The following BMERB1 variants were observed in gnomAD, a reference collection of about 807,000 sequenced individuals.
The protein encoded by BMERB1 is bMERB domain containing 1.
A neutral mutation model predicts 23.6 loss-of-function variants in BMERB1; 12 were observed. That is an observed-to-expected ratio of 0.51 (90% CI 0.33 to 0.82). BMERB1 has a LOEUF of 0.82. Among genes scored for constraint, BMERB1 ranks in the 40% least tolerant of loss-of-function variants. The pLI, the probability that BMERB1 is intolerant of heterozygous loss-of-function variation, is 0.03. For synonymous variants in BMERB1, 122 were observed against 96.6 expected (o/e 1.26, Z -1.54); for missense variants, 247 against 255.4 (o/e 0.97, Z 0.22).
intron 1 of BMERB1, among the ~76,000 whole-genome samples, chr16:15,474,870 T>G (rs1446368356): frequency 1.3e-5 from 2 of 152,012 alleles, no homozygotes; most frequent in East Asian, 3.9e-4. Context: ...GGGTTTTAAG[T>G]AGAGATGGGG....
intron 2 of BMERB1, among the ~76,000 whole-genome samples, chr16:15,548,856 A>T (rs1416617715): frequency 6.6e-6 from 1 of 152,178 alleles, no homozygotes; most frequent in African/African-American, 2.4e-5. Flanking sequence ...GATGGTAGAT[A>T]GGTGATGGCT....
chr16:15,510,275 G>C (rs541329152), intron 1 of BMERB1, among the ~76,000 whole-genome samples: 11 of 152,244 alleles, frequency 7.2e-5, no homozygotes, highest in African/African-American at 2.4e-4. Flanking sequence ...GTCGGACTTA[G>C]AACAGCTGCC....
At chr16:15,466,789 A>G (rs2051184504) in intron 1 of BMERB1, among the ~76,000 whole-genome samples, 1 of 152,256 alleles carries the variant, frequency 6.6e-6, no homozygotes. Context: ...GTGACTATCA[A>G]CAAAGTCAAG....
chr16:15,478,933 T>A (rs1202520099), intron 1 of BMERB1, among the ~76,000 whole-genome samples: 1 of 152,204 alleles, frequency 6.6e-6, no homozygotes, highest in Non-Finnish European at 1.5e-5. Flanking sequence ...TGAAGCACAA[T>A]GGTTGTCTCA....
rs903261469 is a variant in BMERB1 at position 15,526,897 on chromosome 16, T to C, written c.230+11469T>C. 1.5e-4 allele frequency among the ~76,000 whole-genome samples: 22 copies of C among 144,606 alleles called. No individual in the cohort carries two copies. The East Asian group carries it at 2.7e-3, about 18-fold the overall frequency. 94.9% of individuals were successfully genotyped at this position (144,606 alleles called of 152,430 possible). On this transcript the variant is annotated intron_variant, in intron 2 of 5. Transcript: ENST00000300006. ...GCTTTATTATTCCATAAAAATAATA[T>C]AATAATAATTCTATGAAGTATGAAA... is the stretch of plus-strand genomic sequence containing the variant.
chr16:15,537,542 C>T (rs1378073477), intron 2 of BMERB1, among the ~76,000 whole-genome samples: 2 of 151,236 alleles, frequency 1.3e-5, no homozygotes, highest in Non-Finnish European at 2.9e-5. Flanking sequence ...TTAGTAGAGG[C>T]GGGGTTTCAC....
intron 1 of BMERB1, among the ~76,000 whole-genome samples, chr16:15,454,412 G>A (rs1194144734): frequency 6.6e-6 from 1 of 152,136 alleles, no homozygotes; most frequent in African/African-American, 2.4e-5. Flanking sequence ...CATCCACTGG[G>A]GACAGAATTT....
At chr16:15,566,993 G>T (rs1355388002) in intron 2 of BMERB1, among the ~76,000 whole-genome samples, 1 of 151,872 alleles carries the variant, frequency 6.6e-6, no homozygotes, top group Non-Finnish European at 1.5e-5. Flanking sequence ...GACCAGCCGG[G>T]CAACATAACG....
chr16:15,586,772 G>A lies in BMERB1; in HGVS notation c.558G>A (p.Lys186=). 6.2e-7 allele frequency: 1 copy of A among 1,612,724 alleles called. No homozygotes were observed. The highest frequency in any genetic ancestry group is 8.5e-7 in the Non-Finnish European group (1 of 1,179,632). Reference sequence around the variant, plus strand: ...CACCTAGCAAGCCCACGGTGGCCAAGACGGGGCTGGCACTGATCAAGGATT... The same window carrying A: ...CACCTAGCAAGCCCACGGTGGCCAAAACGGGGCTGGCACTGATCAAGGATT... ...EPPPSKPTVA[K]TGLALIKDCC... The change falls in exon 6 of 6, where the codon AAG becomes AAA. Residue 186 remains lysine, a synonymous_variant. Transcript: ENST00000300006.
At chr16:15,456,233 T>G (rs999564478) in intron 1 of BMERB1, among the ~76,000 whole-genome samples, 1 of 152,210 alleles carries the variant, frequency 6.6e-6, no homozygotes, top group African/African-American at 2.4e-5. Flanking sequence ...ACATGGATTT[T>G]AAAAAATGAA....
chr16:15,460,211 T>A (rs1365046968), intron 1 of BMERB1, among the ~76,000 whole-genome samples: 1 of 152,060 alleles, frequency 6.6e-6, no homozygotes, highest in South Asian at 2.1e-4. Context: ...GGAGGATGGG[T>A]GAGATTCAAA....
chr16:15,581,271 T>G lies in BMERB1; in HGVS notation c.359T>G (p.Ile120Ser). The G allele has an allele frequency of 6.2e-7, 1 of 1,614,046 alleles. No homozygotes were observed. Among genetic ancestry groups the G allele is most frequent in the Non-Finnish European group, 8.5e-7 (1 of 1,179,988 alleles). Residue 120 changes from isoleucine (I) to serine (S), a missense_variant, in exon 4 of 6, where the codon ATC (isoleucine) becomes AGC (serine). Physicochemically the swap from Ile to Ser is moderately radical, Grantham distance 142 (BLOSUM62 -2). Transcript: ENST00000300006. Reference sequence around the variant, plus strand: ...AGAGAGGATGAGCTAATCCAGAAGATCCACAAACTGGTGCAGAAGAGAGAC... The same window carrying G: ...AGAGAGGATGAGCTAATCCAGAAGAGCCACAAACTGGTGCAGAAGAGAGAC... ...KQREDELIQK[I>S]HKLVQKRDFL...
intron 2 of BMERB1, among the ~76,000 whole-genome samples, chr16:15,520,152 G>A (rs2051832540): frequency 6.6e-6 from 1 of 152,078 alleles, no homozygotes; most frequent in Admixed American, 6.6e-5. Context: ...GGTCGGAGAG[G>A]CAAAGTGACT....
At chr16:15,461,074 A>C (rs1157863231) in intron 1 of BMERB1, among the ~76,000 whole-genome samples, 2 of 151,726 alleles carry the variant, frequency 1.3e-5, no homozygotes, top group Non-Finnish European at 1.5e-5. Context: ...GCAGTGAGCC[A>C]AGATTGCACC....
At chr16:15,496,188 G>A (rs555051258) in intron 1 of BMERB1, among the ~76,000 whole-genome samples, 1 of 152,104 alleles carries the variant, frequency 6.6e-6, no homozygotes, top group South Asian at 2.1e-4. Context: ...GACAGTGATG[G>A]TGGTGATAGT....
At chr16:15,480,582 T>C (rs1224462091) in intron 1 of BMERB1, among the ~76,000 whole-genome samples, 1 of 150,556 alleles carries the variant, frequency 6.6e-6, no homozygotes, top group East Asian at 1.9e-4. Flanking sequence ...ATTTATTTGT[T>C]CATCCATATG....
At chr16:15,487,203 C>A (rs2051376027) in intron 1 of BMERB1, among the ~76,000 whole-genome samples, 1 of 152,162 alleles carries the variant, frequency 6.6e-6, no homozygotes, top group Middle Eastern at 3.4e-3. Flanking sequence ...TGATTTATAA[C>A]CTTAAAAGCT....
chr16:15,489,599 G>A (rs1302838402), intron 1 of BMERB1, among the ~76,000 whole-genome samples: 2 of 151,998 alleles, frequency 1.3e-5, no homozygotes, highest in Non-Finnish European at 2.9e-5. Context: ...TACAGCCTGG[G>A]TCAACCACTC....
intron 1 of BMERB1, among the ~76,000 whole-genome samples, chr16:15,448,520 G>A (rs1474741779): frequency 1.3e-5 from 2 of 152,186 alleles, no homozygotes; most frequent in Non-Finnish European, 2.9e-5. Flanking sequence ...GCATCCAGGC[G>A]CAGTGGCTTA....
Sources: gnomAD v4.1 joint callset for allele counts (sites outside exome capture counted in the v4.1 genomes callset) on GRCh38, gnomAD v4.1.1 for gene constraint, MANE v1.5 for transcripts, NCBI Gene and HGNC (gene_info 2026-07-23, HGNC 2026-07-21) for gene names.